The following CDH8 variants were observed in gnomAD, a reference collection of about 807,000 sequenced individuals.
CDH8 encodes cadherin-8.
Under a neutral mutation model 68.1 loss-of-function variants are expected in CDH8, and 17 were observed. That is an observed-to-expected ratio of 0.25 (90% confidence interval 0.17 to 0.37). The LOEUF (loss-of-function observed/expected upper bound fraction) is 0.37. CDH8 is among the 10% of genes least tolerant of loss of function. The pLI, the probability that CDH8 is intolerant of heterozygous loss-of-function variation, is 1.00. For missense variants in CDH8, 763 were observed against 999.3 expected (o/e 0.76, Z 3.19); for synonymous variants, 372 against 365.1 (o/e 1.02, Z -0.21).
chr16:61,743,710 C>T (rs1567450054), intron 8 of CDH8, among the ~76,000 whole-genome samples: 1 of 152,080 alleles, frequency 6.6e-6, no homozygotes, highest in Non-Finnish European at 1.5e-5. Context: ...TAATTTTCTT[C>T]TCATTTTCAG....
intron 6 of CDH8, among the ~76,000 whole-genome samples, chr16:61,818,685 C>T (rs1288311957): frequency 6.6e-6 from 1 of 152,148 alleles, no homozygotes; most frequent in Non-Finnish European, 1.5e-5. Flanking sequence ...TTTTTGGCAA[C>T]TCATAATACT....
chr16:61,728,863 A>AT (rs1959454396), intron 8 of CDH8, among the ~76,000 whole-genome samples: 2 of 148,224 alleles, frequency 1.3e-5, no homozygotes, highest in East Asian at 2.0e-4. Context: ...TTTAAACTCA[A>AT]TTTTTTTCCT....
chr16:61,870,253 G>A (rs112686599), intron 3 of CDH8, among the ~76,000 whole-genome samples: 6 of 152,284 alleles, frequency 3.9e-5, no homozygotes, highest in Admixed American at 2.0e-4. Context: ...TACACAACCC[G>A]TTCTGTCCCT....
rs1175030584 is a variant in CDH8 at position 61,722,462 on chromosome 16, A to C, written c.1536+4632T>G. ...AAATCTCTTCTTCACTAAATTCATA[A>C]GAAAAAATAATTTTTGACCCTTTCA... is the stretch of plus-strand genomic sequence containing the variant. On this transcript the variant is annotated intron_variant, in intron 9 of 11. Coordinates refer to ENST00000577390, the MANE Select transcript of CDH8 (RefSeq NM_001796.5). 8.0e-5 allele frequency among the ~76,000 whole-genome samples: 12 copies of C among 150,848 alleles called. No individual in the cohort carries two copies. The Admixed American group carries it at 8.0e-4, about 10-fold the overall frequency.
intron 10 of CDH8, among the ~76,000 whole-genome samples, chr16:61,712,896 G>C (rs1964657036): frequency 1.3e-5 from 2 of 151,532 alleles, no homozygotes; most frequent in Non-Finnish European, 3.0e-5. Flanking sequence ...ATTTTATCAA[G>C]ATTCACTATC....
chr16:61,671,489 A>C (rs1963793943), intron 10 of CDH8, among the ~76,000 whole-genome samples: 2 of 152,030 alleles, frequency 1.3e-5, no homozygotes, highest in South Asian at 4.2e-4. Flanking sequence ...GAAATGATGC[A>C]AGGAAATGTG....
intron 7 of CDH8, 135 bp downstream of exon 7, chr16:61,817,344 T>A (rs1962099501): frequency 1.3e-6 from 1 of 754,216 alleles, no homozygotes; most frequent in Non-Finnish European, 2.2e-6. Context: ...ACACACACAG[T>A]ATGTGCCAAC....
chr16:61,734,415 T>C (rs1037399232), intron 8 of CDH8, among the ~76,000 whole-genome samples: 2 of 152,152 alleles, frequency 1.3e-5, no homozygotes, highest in Non-Finnish European at 2.9e-5. Flanking sequence ...GTGATAGATC[T>C]GCTTTTGCCT....
intron 2 of CDH8, among the ~76,000 whole-genome samples, chr16:61,968,887 A>G (rs1247004741): frequency 1.3e-5 from 2 of 152,200 alleles, no homozygotes; most frequent in African/African-American, 4.8e-5. Context: ...CAGGCAGCTC[A>G]TCTAAAACAA....
chr16:61,727,142 G>A lies in CDH8; in HGVS notation c.1488C>T (p.Phe496=), dbSNP rs770747257. 14 of 1,610,530 alleles carry A rather than the reference G, an allele frequency of 8.7e-6. No homozygotes were observed. Among genetic ancestry groups the A allele is most frequent in the South Asian group, 7.7e-5 (7 of 90,950 alleles). ...ATAAAAATGCCTCATATTCGGATGCGAATTCAGGGGCGTTGTCATTGACAT... is the reference window on the plus strand; with the variant it reads ...ATAAAAATGCCTCATATTCGGATGCAAATTCAGGGGCGTTGTCATTGACAT... ...VLDVNDNAPE[F]ASEYEAFLCE... The change falls in exon 9 of 12, where the codon TTC becomes TTT. Residue 496 remains phenylalanine (F), a synonymous_variant. Coordinates refer to ENST00000577390, the MANE Select transcript of CDH8 (RefSeq NM_001796.5).
intron 2 of CDH8, among the ~76,000 whole-genome samples, chr16:62,015,548 G>T (rs1901915842): frequency 6.6e-6 from 1 of 152,164 alleles, no homozygotes. Flanking sequence ...AATTAAAAGA[G>T]AAAGAAGCCA....
intron 10 of CDH8, among the ~76,000 whole-genome samples, chr16:61,665,009 C>A (rs546574631): frequency 6.6e-6 from 1 of 152,130 alleles, no homozygotes; most frequent in Admixed American, 6.6e-5. Context: ...CAACTAAATA[C>A]GTAAATAATT....
intron 2 of CDH8, among the ~76,000 whole-genome samples, chr16:61,956,713 G>A (rs1036964711): frequency 6.6e-6 from 1 of 151,994 alleles, no homozygotes; most frequent in African/African-American, 2.4e-5. Context: ...GAATAAAAAT[G>A]AGGTAAAATG....
intron 7 of CDH8, among the ~76,000 whole-genome samples, chr16:61,810,673 C>A (rs1210615066): frequency 6.6e-6 from 1 of 152,064 alleles, no homozygotes; most frequent in Non-Finnish European, 1.5e-5. Context: ...CTCCATGTGA[C>A]CTTAAAGCTC....
chr16:61,952,673 A>G (rs766950309), intron 2 of CDH8, among the ~76,000 whole-genome samples: 3 of 152,210 alleles, frequency 2.0e-5, no homozygotes, highest in Non-Finnish European at 2.9e-5. Context: ...CATGATCTGC[A>G]GAAGGTTGAA....
intron 8 of CDH8, among the ~76,000 whole-genome samples, chr16:61,787,742 C>A (rs1452884688): frequency 6.6e-6 from 1 of 150,776 alleles, no homozygotes; most frequent in East Asian, 1.9e-4. Flanking sequence ...ACATATACAT[C>A]ATGGAATACT....
intron 1 of CDH8, among the ~76,000 whole-genome samples, chr16:62,031,761 C>T (rs1196893034): frequency 1.4e-5 from 2 of 138,954 alleles, no homozygotes; most frequent in Non-Finnish European, 3.2e-5. Flanking sequence ...CATTTAAAAC[C>T]CAGGAAATAA....
intron 7 of CDH8, among the ~76,000 whole-genome samples, chr16:61,798,210 T>TA (rs1241536739): frequency 1.5e-4 from 23 of 152,346 alleles, no homozygotes; most frequent in Admixed American, 1.4e-3. Flanking sequence ...AATGCAGTTT[T>TA]ACACATTGTG....
intron 4 of CDH8, among the ~76,000 whole-genome samples, chr16:61,839,684 C>T (rs1160419999): frequency 6.6e-6 from 1 of 152,018 alleles, no homozygotes; most frequent in Non-Finnish European, 1.5e-5. Flanking sequence ...CTTAATTCCC[C>T]AACTTTGCAT....
Sources: allele counts gnomAD v4.1 joint callset (sites outside exome capture counted in the v4.1 genomes callset), GRCh38; gene constraint gnomAD v4.1.1; transcripts MANE v1.5; gene names NCBI Gene and HGNC (gene_info 2026-07-23, HGNC 2026-07-21).